The following FHOD3 variants were observed in gnomAD, a reference collection of about 807,000 sequenced individuals.
FHOD3 encodes FH1/FH2 domain-containing protein 3.
In FHOD3, 90 loss-of-function variants were observed where a neutral mutation model predicts 173.0. The ratio of observed to expected loss-of-function variants is 0.52; its 90% confidence interval spans 0.44 to 0.62. The LOEUF (loss-of-function observed/expected upper bound fraction) is 0.62, where lower values mean the gene tolerates loss of function less well. Among genes scored for constraint, FHOD3 ranks in the 20% least tolerant of loss-of-function variants. The probability of loss-of-function intolerance (pLI) is 0.00; values close to 1 mark genes in which losing one functional copy is unlikely to be tolerated. For missense variants in FHOD3, 1,945 were observed against 2,034.7 expected (o/e 0.96, Z 0.85); for synonymous variants, 828 against 823.0 (o/e 1.01, Z -0.10).
At chr18:36,402,242 G>C (rs994072929) in intron 3 of FHOD3, among the ~76,000 whole-genome samples, 5 of 152,074 alleles carry the variant, frequency 3.3e-5, no homozygotes, top group South Asian at 2.1e-4. Context: ...ATCACTGCTT[G>C]TTCTTCTTTT....
chr18:36,509,808 A>G (rs2055532554), intron 4 of FHOD3, among the ~76,000 whole-genome samples: 2 of 152,214 alleles, frequency 1.3e-5, no homozygotes, highest in African/African-American at 4.8e-5. Flanking sequence ...TTCACTCTGT[A>G]GTGTTTGTTC....
chr18:36,728,585 T>C (rs2041192568), intron 19 of FHOD3, among the ~76,000 whole-genome samples: 1 of 151,078 alleles, frequency 6.6e-6, no homozygotes, highest in Non-Finnish European at 1.5e-5. Context: ...TCAGTTGTTG[T>C]TGTTGGGTTT....
intron 3 of FHOD3, among the ~76,000 whole-genome samples, chr18:36,419,189 A>G (rs1049204167): frequency 1.3e-4 from 19 of 151,922 alleles, no homozygotes; most frequent in Non-Finnish European, 1.5e-5. Flanking sequence ...GAATTTTAAA[A>G]TAATTATAAT....
At chr18:36,572,701 C>G (rs561946820) in intron 5 of FHOD3, among the ~76,000 whole-genome samples, 64 of 145,662 alleles carry the variant, frequency 4.4e-4, no homozygotes, top group African/African-American at 1.5e-3. Flanking sequence ...TTCTTGGGCA[C>G]TTGGCCAGTA....
intron 14 of FHOD3, among the ~76,000 whole-genome samples, chr18:36,675,261 AC>A (rs2037778614): frequency 6.6e-6 from 1 of 151,682 alleles, no homozygotes; most frequent in African/African-American, 2.4e-5. Context: ...TCTGCCACTC[AC>A]ATGTCTCAGT....
chr18:36,733,001 A>G (rs1313573079), intron 20 of FHOD3, among the ~76,000 whole-genome samples: 1 of 152,334 alleles, frequency 6.6e-6, no homozygotes, highest in African/African-American at 2.4e-5. Context: ...GGATTAAATG[A>G]CAAAGGTCTT....
At chr18:36,725,013 G>A (rs1244794036) in intron 19 of FHOD3, among the ~76,000 whole-genome samples, 1 of 152,238 alleles carries the variant, frequency 6.6e-6, no homozygotes. Flanking sequence ...AGCATGTTCA[G>A]AGATGGCCCT....
intron 5 of FHOD3, among the ~76,000 whole-genome samples, chr18:36,528,260 C>T (rs2056619446): frequency 6.6e-6 from 1 of 152,198 alleles, no homozygotes. Flanking sequence ...AGATCTTGAG[C>T]ATAGCCAGAG....
chr18:36,387,491 A>C (rs1004250586), intron 3 of FHOD3, among the ~76,000 whole-genome samples: 1 of 152,200 alleles, frequency 6.6e-6, no homozygotes, highest in Non-Finnish European at 1.5e-5. Context: ...ACGTTCCCAG[A>C]TTTCCTCCTG....
At chr18:36,583,828 CTAT>C (rs1292168630) in intron 6 of FHOD3, among the ~76,000 whole-genome samples, 1 of 150,602 alleles carries the variant, frequency 6.6e-6, no homozygotes, top group African/African-American at 2.4e-5. Flanking sequence ...ATTATTATTA[CTAT>C]TATTATTATT....
chr18:36,512,192 A>T (rs2055695105), intron 4 of FHOD3, among the ~76,000 whole-genome samples: 1 of 152,214 alleles, frequency 6.6e-6, no homozygotes, highest in Non-Finnish European at 1.5e-5. Flanking sequence ...CAGTGAGGAG[A>T]TTCATTTGCC....
chr18:36,761,708 C>G (rs2042888655), intron 27 of FHOD3, among the ~76,000 whole-genome samples: 1 of 152,038 alleles, frequency 6.6e-6, no homozygotes. Context: ...TCCATGCACT[C>G]CAGAGACCCC....
intron 1 of FHOD3, among the ~76,000 whole-genome samples, chr18:36,306,752 C>T (rs2092110874): frequency 1.3e-5 from 2 of 152,138 alleles, no homozygotes; most frequent in Non-Finnish European, 2.9e-5. Context: ...CAGCGTCTGG[C>T]ACATAGTGAG....
intron 27 of FHOD3, 120 bp downstream of exon 27, chr18:36,760,902 C>A (rs1489843755): frequency 2.9e-6 from 3 of 1,022,718 alleles, no homozygotes; most frequent in Non-Finnish European, 4.1e-6. Flanking sequence ...CAGTGCCAAC[C>A]TAACCACACA....
chr18:36,473,460 C>G (rs1287413865), intron 3 of FHOD3, among the ~76,000 whole-genome samples: 1 of 152,142 alleles, frequency 6.6e-6, no homozygotes, highest in Non-Finnish European at 1.5e-5. Context: ...GAATCAGAAC[C>G]TACATTTGTC....
chr18:36,706,382 T>C (rs998848628), intron 17 of FHOD3, among the ~76,000 whole-genome samples: 1 of 152,172 alleles, frequency 6.6e-6, no homozygotes, highest in African/African-American at 2.4e-5. Flanking sequence ...TGCCGATTAC[T>C]ACCTCCCCAG....
At chr18:36,498,811 AT>A (rs2054873750) in intron 3 of FHOD3, among the ~76,000 whole-genome samples, 1 of 152,238 alleles carries the variant, frequency 6.6e-6, no homozygotes, top group Non-Finnish European at 1.5e-5. Context: ...TCAACAAAAT[AT>A]TAGCAGTCAT....
intron 3 of FHOD3, among the ~76,000 whole-genome samples, chr18:36,472,940 C>G (rs2053365527): frequency 6.6e-6 from 1 of 152,222 alleles, no homozygotes; most frequent in Admixed American, 6.5e-5. Flanking sequence ...GAGCACTTTG[C>G]ATCCACTCCA....
At chr18:36,410,519 A>T (rs2049301859) in intron 3 of FHOD3, among the ~76,000 whole-genome samples, 1 of 151,862 alleles carries the variant, frequency 6.6e-6, no homozygotes, top group African/African-American at 2.4e-5. Context: ...CTAGAATGGG[A>T]TGGTTAGATC....
Sources: allele counts gnomAD v4.1 joint callset (sites outside exome capture counted in the v4.1 genomes callset), GRCh38; gene constraint gnomAD v4.1.1; transcripts MANE v1.5; gene names NCBI Gene and HGNC (gene_info 2026-07-23, HGNC 2026-07-21).